The following WDR3 variants were observed in gnomAD, a reference collection of about 807,000 sequenced individuals.
The protein encoded by WDR3 is WD repeat domain 3.
Under a neutral mutation model 123.7 loss-of-function variants are expected in WDR3, and 81 were observed. The observed-to-expected ratio is 0.65, with a 90% CI of 0.55 to 0.79. The LOEUF (loss-of-function observed/expected upper bound fraction) is 0.79. WDR3 is among the 30% of genes least tolerant of loss of function. WDR3 has a pLI of 0.00. For missense variants in WDR3, 1,027 were observed against 1,123.2 expected, an observed-to-expected ratio of 0.91 and a Z score of 1.22; for synonymous variants, 390 against 388.8, an observed-to-expected ratio of 1.00 and a Z score of -0.04.
chr1:117,945,701 T>C (rs183554438), intron 11 of WDR3, among the ~76,000 whole-genome samples: 2 of 152,280 alleles, frequency 1.3e-5, no homozygotes, highest in Admixed American at 6.5e-5. Context: ...ACATTTGATA[T>C]ATATTTGATT....
rs1430386677 is a variant in WDR3 at position 117,950,477 on chromosome 1, T to C, written c.1746+347T>C. 2.6e-5 allele frequency among the ~76,000 whole-genome samples: 4 copies of C among 152,182 alleles called. No individual in the cohort carries two copies. In the South Asian group the frequency reaches 6.2e-4, roughly 24 times the overall value. ...ATCATCTAGGTTGCTTTTAAAAATA[T>C]AGATTACTGAGCCCTATACCCAGAG... On this transcript the variant is annotated intron_variant, in intron 15 of 26. Transcript: ENST00000349139.
At chr1:117,950,672 G>A (rs1296104689) in intron 15 of WDR3, among the ~76,000 whole-genome samples, 162 bp from the exon 16 acceptor site, 3 of 152,070 alleles carry the variant, frequency 2.0e-5, no homozygotes, top group African/African-American at 7.2e-5. Flanking sequence ...TCTGTGTAGT[G>A]GACACAGGTA....
chr1:117,953,076 C>G (rs1261898837), intron 20 of WDR3, 80 bp downstream of exon 20: 4 of 1,490,980 alleles, frequency 2.7e-6, no homozygotes, highest in Non-Finnish European at 3.7e-6. Context: ...TCCAGAATTT[C>G]TAATAGAATT....
chr1:117,940,011 G>A (rs112253391), intron 6 of WDR3, among the ~76,000 whole-genome samples: 2,176 of 152,276 alleles, frequency 0.014, 24 homozygotes, highest in Middle Eastern at 0.037. Context: ...GCTGAATTTC[G>A]GTGTGTGCTG....
intron 11 of WDR3, 110 bp downstream of exon 11, chr1:117,943,736 C>T: frequency 1.0e-6 from 1 of 963,070 alleles, no homozygotes; most frequent in Non-Finnish European, 1.5e-6. Flanking sequence ...ATACAATTAT[C>T]TTTAGTGCAT....
intron 24 of WDR3, among the ~76,000 whole-genome samples, chr1:117,956,777 T>C (rs1652264737): frequency 6.6e-6 from 1 of 152,202 alleles, no homozygotes; most frequent in Admixed American, 6.5e-5. Context: ...AAGAATATCA[T>C]ATGAAGATGG....
rs983003571 is a variant in WDR3 at position 117,960,702 on chromosome 1, A to G, written c.*1255A>G. Reference sequence around the variant, plus strand: ...GAGGTGGCTGTGAAATTATTTCAGTAACATACTGTGTATTACAGTTCATTT... The same window carrying G: ...GAGGTGGCTGTGAAATTATTTCAGTGACATACTGTGTATTACAGTTCATTT... On this transcript the variant is annotated 3_prime_UTR_variant, in exon 27 of 27. Coordinates refer to ENST00000349139, the MANE Select transcript of WDR3 (RefSeq NM_006784.3). 1 of 152,214 alleles carries G rather than the reference A, an allele frequency of 6.6e-6. No individual in the cohort carries two copies. Among genetic ancestry groups the G allele is most frequent in the African/African-American group, 2.4e-5 (1 of 41,456 alleles). 9.4% of individuals were successfully genotyped at this position (152,214 alleles called of 1,614,324 possible). A position where few individuals can be genotyped will look rare whatever the true frequency, so the allele number is the denominator to read the frequency against.
chr1:117,964,046 A>C lies in WDR3; in HGVS notation c.*4599A>C. On this transcript the variant is annotated 3_prime_UTR_variant, in exon 27 of 27. Transcript: ENST00000349139. ...ATTTCTTCTCTGGCAACATCAGTTC[A>C]ATTTTAGGTAACTGTCTATCCAATG... The C allele has an allele frequency of 4.7e-6, 6 of 1,279,880 alleles. No homozygotes were observed. Among genetic ancestry groups the C allele is most frequent in the Non-Finnish European group, 6.5e-6 (6 of 924,118 alleles). The allele number at this position is 1,279,880 out of a possible 1,614,324, so 79.3% of individuals were successfully genotyped here.
In WDR3 at chr1:117,958,901, T is replaced by A; in HGVS notation, c.2583-9T>A. On this transcript the variant is annotated splice_polypyrimidine_tract_variant and intron_variant, in intron 25 of 26. Coordinates refer to ENST00000349139, the MANE Select transcript of WDR3 (RefSeq NM_006784.3). The stretch of plus-strand genomic sequence containing the variant: ...TCTGCAACATGGCTGTGTTTTGTTT[T>A]TCTATCAGGATTCACTTTGGACAGA... The A allele has an allele frequency of 6.2e-7, 1 of 1,612,884 alleles. No individual in the cohort carries two copies. The highest frequency in any genetic ancestry group is 8.5e-7 in the Non-Finnish European group (1 of 1,179,334).
At chr1:117,937,702 G>A (rs148984911) in intron 4 of WDR3, among the ~76,000 whole-genome samples, 172 of 152,208 alleles carry the variant, frequency 1.1e-3, no homozygotes, top group African/African-American at 4.0e-3. Context: ...GTTTTTGAGC[G>A]GTGTTTTTTT....
At position 117,959,319 on chromosome 1, in the gene WDR3, C is replaced by T. The variant is rs540958048; in HGVS notation, c.2704C>T (p.Leu902Phe). Residue 902 changes from leucine to phenylalanine, a missense_variant, in exon 27 of 27, where the codon CTT becomes TTT. Transcript: ENST00000349139. ...TGTTATCGGCTTCAATATGGCTGGT[C>T]TTGATTATCTCAAGAGGGAATGCGA... ...RDVIGFNMAG[L>F]DYLKRECEAK... is the part of the protein sequence containing the mutation. The T allele has an allele frequency of 5.0e-6, 8 of 1,612,092 alleles. No homozygotes were observed. The highest frequency in any genetic ancestry group is 3.4e-6 in the Non-Finnish European group (4 of 1,179,434).
intron 17 of WDR3, 89 bp from the exon 18 acceptor site, chr1:117,952,208 A>G (rs574204542): frequency 1.4e-6 from 2 of 1,433,550 alleles, no homozygotes; most frequent in African/African-American, 2.8e-5. Context: ...ACACCCTAGA[A>G]CTAGCTAGTC....
In WDR3 at chr1:117,940,824, CAG is replaced by C; in HGVS notation, c.676-1_676del. ...CTTTTATTTTCTCATTTTTATAAAA[CAG>C]ATTGAAGACCCGGAAGAACCAGACC... On this transcript the variant is annotated splice_acceptor_variant, in intron 6 of 26. Transcript: ENST00000349139. LOFTEE classifies it high-confidence loss of function. The C allele has an allele frequency of 6.2e-7, 1 of 1,600,564 alleles. No homozygotes were observed.
At chr1:117,945,979 C>A in intron 11 of WDR3, 107 bp from the exon 12 acceptor site, 1 of 667,820 alleles carries the variant, frequency 1.5e-6, no homozygotes, top group Admixed American at 3.3e-5. Flanking sequence ...AGACTTTTAT[C>A]TTCTTTTATG....
At chr1:117,945,295 C>CAG (rs1651333452) in intron 11 of WDR3, among the ~76,000 whole-genome samples, 1 of 152,170 alleles carries the variant, frequency 6.6e-6, no homozygotes, top group Non-Finnish European at 1.5e-5. Flanking sequence ...TTATCTCTTA[C>CAG]TACTCTCCTT....
At position 117,952,651 on chromosome 1, in the gene WDR3, G is replaced by A; in HGVS notation, c.2140G>A (p.Glu714Lys). Residue 714 changes from glutamate (E) to lysine (K), a missense_variant, in exon 19 of 27, where the codon GAA (glutamate) becomes AAA (lysine). Transcript: ENST00000349139. ...AAGGGAGCCTCTTATTCTTGAGGAA[G>A]AAAGGGAGATGGTAAGAACTTTAGG... ...RTREPLILEE[E>K]REMEREAEYE... 1.2e-6 allele frequency: 2 copies of A among 1,612,542 alleles called. No individual in the cohort carries two copies. Among genetic ancestry groups the A allele is most frequent in the Non-Finnish European group, 1.7e-6 (2 of 1,179,278 alleles).
chr1:117,946,389 T>C (rs1344910932), intron 12 of WDR3, among the ~76,000 whole-genome samples: 1 of 152,230 alleles, frequency 6.6e-6, no homozygotes, highest in Non-Finnish European at 1.5e-5. Flanking sequence ...GACCCTGAGA[T>C]AACTACCATT....
At chr1:117,942,073 G>T (rs1468953913) in intron 9 of WDR3, among the ~76,000 whole-genome samples, 4 of 152,178 alleles carry the variant, frequency 2.6e-5, no homozygotes, top group Non-Finnish European at 4.4e-5. Context: ...AACATGGTTG[G>T]ATTGTTAAGT....
At chr1:117,932,666 C>T (rs1242507199) in intron 1 of WDR3, among the ~76,000 whole-genome samples, 2 of 152,074 alleles carry the variant, frequency 1.3e-5, no homozygotes, top group African/African-American at 2.4e-5. Flanking sequence ...TGTGTAAAAG[C>T]TTTGATGCTG....
Sources: gnomAD v4.1 joint callset for allele counts (sites outside exome capture counted in the v4.1 genomes callset) on GRCh38, gnomAD v4.1.1 for gene constraint, MANE v1.5 for transcripts, NCBI Gene and HGNC (gene_info 2026-07-23, HGNC 2026-07-21) for gene names.